DIP2C: variants seen among roughly 807,000 people sequenced by gnomAD.
DIP2C encodes the protein DIP2 acetate--CoA ligase C (putative).
In DIP2C, 33 loss-of-function variants were observed where a neutral mutation model predicts 192.4. The observed-to-expected ratio is 0.17, with a 90% CI of 0.13 to 0.23. DIP2C has a LOEUF of 0.23. Ranked by LOEUF, DIP2C falls within the 10% of genes least tolerant of loss-of-function variation. DIP2C has a pLI of 1.00. For synonymous variants in DIP2C, 979 were observed against 864.1 expected (o/e 1.13, Z -2.33); for missense variants, 1,537 against 2,110.1 (o/e 0.73, Z 5.32).
At chr10:386,723 T>G (rs894238594) in intron 14 of DIP2C, among the ~76,000 whole-genome samples, 1 of 152,266 alleles carries the variant, frequency 6.6e-6, no homozygotes, top group African/African-American at 2.4e-5. Context: ...CAGGAATTCC[T>G]GTATTCATAT....
At chr10:509,143 C>T (rs1365691148) in intron 1 of DIP2C, among the ~76,000 whole-genome samples, 4 of 152,154 alleles carry the variant, frequency 2.6e-5, no homozygotes, top group African/African-American at 9.7e-5. Flanking sequence ...CTTGACCATA[C>T]AACTAGGGGT....
At chr10:386,116 A>G (rs1229733977) in intron 14 of DIP2C, among the ~76,000 whole-genome samples, 1 of 152,172 alleles carries the variant, frequency 6.6e-6, no homozygotes, top group Non-Finnish European at 1.5e-5. Flanking sequence ...TGTGTGGACA[A>G]CGTCACAGCC....
Position 580,688 on chromosome 10 carries a change from G to T in DIP2C, c.86-94158C>A, listed in dbSNP as rs147817389. 4.5e-3 allele frequency among the ~76,000 whole-genome samples: 681 copies of T among 152,138 alleles called. 13 individuals are homozygous for T. The highest frequency in any genetic ancestry group is 0.014 in the African/African-American group (599 of 41,498). ...ACACATATACCGAGACCCAGAACAG[G>T]CCATGAATATTAACGCTGCAGAAAG... On this transcript the variant is annotated intron_variant, in intron 1 of 36. Coordinates refer to ENST00000280886, the MANE Select transcript of DIP2C (RefSeq NM_014974.3).
At chr10:475,625 TAA>T (rs561714569) in intron 2 of DIP2C, among the ~76,000 whole-genome samples, 65 of 152,324 alleles carry the variant, frequency 4.3e-4, no homozygotes, top group African/African-American at 1.5e-3. Flanking sequence ...AGTGGAAATG[TAA>T]AGTTTGCAAC....
chr10:505,452 G>A (rs942312060), intron 1 of DIP2C, among the ~76,000 whole-genome samples: 5 of 151,260 alleles, frequency 3.3e-5, no homozygotes, highest in Non-Finnish European at 7.4e-5. Context: ...TTAACCCCCT[G>A]CCTGAGGCTC....
intron 2 of DIP2C, among the ~76,000 whole-genome samples, chr10:481,550 G>A (rs1843608553): frequency 6.6e-6 from 1 of 152,266 alleles, no homozygotes; most frequent in Admixed American, 6.5e-5. Context: ...CCACTGATTG[G>A]ATGGTGCTGA....
chr10:356,684 G>C (rs909472111), intron 23 of DIP2C, among the ~76,000 whole-genome samples, 178 bp from the exon 24 acceptor site: 1 of 152,200 alleles, frequency 6.6e-6, no homozygotes, highest in East Asian at 1.9e-4. Flanking sequence ...CGTCACACAC[G>C]ACCACAGGAC....
intron 1 of DIP2C, among the ~76,000 whole-genome samples, chr10:544,924 C>A (rs1448861636): frequency 2.0e-5 from 3 of 152,166 alleles, no homozygotes; most frequent in Non-Finnish European, 2.9e-5. Flanking sequence ...ACTGTCTTTT[C>A]CCCTTCAGTT....
At chr10:605,424 T>G (rs1001885883) in intron 1 of DIP2C, among the ~76,000 whole-genome samples, 1 of 152,218 alleles carries the variant, frequency 6.6e-6, no homozygotes, top group Non-Finnish European at 1.5e-5. Context: ...GCTAATAAAA[T>G]TCCTTACAGA....
At chr10:510,879 T>C (rs1223154612) in intron 1 of DIP2C, among the ~76,000 whole-genome samples, 1 of 152,214 alleles carries the variant, frequency 6.6e-6, no homozygotes, top group African/African-American at 2.4e-5. Flanking sequence ...TGCTCAGAGC[T>C]GGTGGTGTGG....
intron 31 of DIP2C, among the ~76,000 whole-genome samples, chr10:318,414 G>C (rs1430422696): frequency 6.6e-6 from 1 of 152,228 alleles, no homozygotes; most frequent in Non-Finnish European, 1.5e-5. Flanking sequence ...CACGATCCAG[G>C]TTTGGGGAAT....
intron 10 of DIP2C, among the ~76,000 whole-genome samples, chr10:392,336 C>T (rs2132960728): frequency 6.6e-6 from 1 of 152,342 alleles, no homozygotes; most frequent in South Asian, 2.1e-4. Context: ...TCGCTCATGG[C>T]TGTGGGTGGA....
intron 14 of DIP2C, among the ~76,000 whole-genome samples, chr10:385,383 G>C (rs1386027067): frequency 6.6e-6 from 1 of 152,172 alleles, no homozygotes; most frequent in Admixed American, 6.5e-5. Flanking sequence ...AACTACTCCT[G>C]ACAGAATTAA....
At chr10:283,720 A>G (rs931094633) in intron 34 of DIP2C, among the ~76,000 whole-genome samples, 2 of 152,198 alleles carry the variant, frequency 1.3e-5, no homozygotes, top group African/African-American at 4.8e-5. Flanking sequence ...AAGATTTAAC[A>G]AATAGGTTTT....
chr10:543,744 T>TA (rs1222410148), intron 1 of DIP2C, among the ~76,000 whole-genome samples: 1 of 152,262 alleles, frequency 6.6e-6, no homozygotes, highest in East Asian at 1.9e-4. Context: ...TAGTTTCTTT[T>TA]TACATTGAAA....
chr10:419,199 T>C lies in DIP2C; in HGVS notation c.605A>G (p.Glu202Gly). ...TACGTCAGGAGGTGCAGAATGATTT[T>C]CTGTAAAGAAACACATCATGAGATT... ...LADVMAQTHI[E>G]NHSAPPDVTT... Residue 202 changes from glutamate (E) to glycine (G), a missense_variant and splice_region_variant, in exon 6 of 37, where the codon GAA becomes GGA. Physicochemically the swap from Glu to Gly is moderately conservative, Grantham distance 98 (BLOSUM62 -2). Around this residue, in one of 4 missense-constraint regions of DIP2C, gnomAD observed 473 missense variants for 539.6 expected, o/e 0.88. Coordinates refer to ENST00000280886, the MANE Select transcript of DIP2C (RefSeq NM_014974.3). 2 of 1,614,192 alleles carry C rather than the reference T, an allele frequency of 1.2e-6. No individual in the cohort carries two copies. The highest frequency in any genetic ancestry group is 1.7e-6 in the Non-Finnish European group (2 of 1,180,026).
At chr10:556,082 ACCCACCC>A (rs1848844607) in intron 1 of DIP2C, among the ~76,000 whole-genome samples, 7 of 47,842 alleles carry the variant, frequency 1.5e-4, no homozygotes, top group African/African-American at 2.7e-4. Flanking sequence ...GACAGCACCC[ACCCACCC>A]CCCCTTCCAT....
At position 357,852 on chromosome 10, in the gene DIP2C, G is replaced by T. The variant is rs79715861; in HGVS notation, c.2880C>A (p.Ile960=). The T allele has an allele frequency of 8.7e-6, 14 of 1,612,396 alleles. No homozygotes were observed. Among genetic ancestry groups the T allele is most frequent in the Non-Finnish European group, 9.3e-6 (11 of 1,179,816 alleles). ...CCTTGCGTGCCTGGTCGTTATCTTCGATCTGACCCAGGTCTCTGCCACTGG... is the reference window on the plus strand; with the variant it reads ...CCTTGCGTGCCTGGTCGTTATCTTCTATCTGACCCAGGTCTCTGCCACTGG... ...AQASGRDLGQ[I]EDNDQARKFL... Residue 960 remains isoleucine (I), a synonymous_variant, in exon 23 of 37, where the codon ATC becomes ATA. Coordinates refer to ENST00000280886, the MANE Select transcript of DIP2C (RefSeq NM_014974.3).
chr10:444,038 C>T (rs1967950234), intron 3 of DIP2C, among the ~76,000 whole-genome samples: 1 of 152,216 alleles, frequency 6.6e-6, no homozygotes, highest in African/African-American at 2.4e-5. Flanking sequence ...TCCTGGCCCT[C>T]GTGAGACAGC....
Sources: gnomAD v4.1 joint callset for allele counts (sites outside exome capture counted in the v4.1 genomes callset) on GRCh38, gnomAD v4.1.1 for gene constraint, gnomAD v4.1.1 regional missense constraint, MANE v1.5 for transcripts, NCBI Gene and HGNC (gene_info 2026-07-23, HGNC 2026-07-21) for gene names.